Variants in RFX7 observed in about 807,000 individuals in gnomAD.
RFX7 encodes regulatory factor X7.
In RFX7, 26 loss-of-function variants were observed where a neutral mutation model predicts 111.8. The observed-to-expected ratio is 0.23, with a 90% CI of 0.17 to 0.32. RFX7 has a LOEUF of 0.32. Ranked by LOEUF, RFX7 falls within the 10% of genes least tolerant of loss-of-function variation. The pLI, the probability that RFX7 is intolerant of heterozygous loss-of-function variation, is 1.00. For missense variants in RFX7, 1,573 were observed against 1,772.9 expected (o/e 0.89, Z 2.02); for synonymous variants, 624 against 624.4 (o/e 1.00, Z 0.01).
At chr15:56,168,769 CT>C (rs1199663801) in intron 3 of RFX7, among the ~76,000 whole-genome samples, 1 of 152,178 alleles carries the variant, frequency 6.6e-6, no homozygotes, top group East Asian at 1.9e-4. Flanking sequence ...AAAAAGATGG[CT>C]TCCCTAGAAG....
chr15:56,240,297 G>C (rs1337290976), intron 2 of RFX7, among the ~76,000 whole-genome samples: 1 of 152,006 alleles, frequency 6.6e-6, no homozygotes. Context: ...ATGCAAGCTT[G>C]TTAACCTAGA....
chr15:56,121,822 C>T (rs2042082884), intron 5 of RFX7, among the ~76,000 whole-genome samples: 1 of 152,110 alleles, frequency 6.6e-6, no homozygotes, highest in Non-Finnish European at 1.5e-5. Context: ...CTGATGCATT[C>T]TTCAGTGTAT....
Position 56,196,483 on chromosome 15 carries a change from TTATC to T in RFX7, c.162-17184_162-17181del, listed in dbSNP as rs1249156902. On this transcript the variant is annotated intron_variant, in intron 2 of 9. Transcript: ENST00000559447. Reference sequence around the variant, plus strand: ...AATTTACTTAATAGGCATTAGAAGTTTATCTATTTTGATACATTCTAGTTTACCC... The same window carrying T: ...AATTTACTTAATAGGCATTAGAAGTTTATTTTGATACATTCTAGTTTACCC... Among the ~76,000 whole-genome samples, 5 of 152,088 alleles carry T rather than the reference TTATC, an allele frequency of 3.3e-5. 1 individual carries two copies. The highest frequency in any genetic ancestry group is 1.2e-4 in the African/African-American group (5 of 41,364).
At chr15:56,148,620 A>G (rs917554482) in intron 3 of RFX7, among the ~76,000 whole-genome samples, 9 of 152,284 alleles carry the variant, frequency 5.9e-5, no homozygotes, top group Middle Eastern at 3.4e-3. Flanking sequence ...ACATGAAGCT[A>G]ATTCTTTCTA....
chr15:56,108,965 C>G (rs2140543586), intron 5 of RFX7, among the ~76,000 whole-genome samples: 1 of 152,284 alleles, frequency 6.6e-6, no homozygotes, highest in South Asian at 2.1e-4. Context: ...GAATAAAATA[C>G]CTAGCAATAC....
At chr15:56,210,588 A>G (rs184873325) in intron 2 of RFX7, among the ~76,000 whole-genome samples, 2 of 152,266 alleles carry the variant, frequency 1.3e-5, no homozygotes, top group African/African-American at 4.8e-5. Context: ...AATTTTTTTA[A>G]AAATAGAAAT....
At chr15:56,108,479 G>A (rs1406682025) in intron 5 of RFX7, among the ~76,000 whole-genome samples, 2 of 152,020 alleles carry the variant, frequency 1.3e-5, no homozygotes, top group Admixed American at 6.6e-5. Context: ...ATGCAGAAAA[G>A]GCCTTCGAAA....
chr15:56,087,681 A>C lies in RFX7; in HGVS notation c.*5664T>G. Reference sequence around the variant, plus strand: ...AAAGAAGAAGGGGAGAATGCATACTACTGGTAAGTATCCGCCTCTGCTATA... The same window carrying C: ...AAAGAAGAAGGGGAGAATGCATACTCCTGGTAAGTATCCGCCTCTGCTATA... On this transcript the variant is annotated 3_prime_UTR_variant, in exon 10 of 10. Transcript: ENST00000559447. 1 of 403,094 alleles carries C rather than the reference A, an allele frequency of 2.5e-6. No individual in the cohort carries two copies. Among genetic ancestry groups the C allele is most frequent in the Non-Finnish European group, 5.0e-6 (1 of 200,792 alleles). The allele number at this position is 403,094 out of a possible 1,614,324, so 25.0% of individuals were successfully genotyped here.
chr15:56,134,168 C>G (rs570933405), intron 5 of RFX7, among the ~76,000 whole-genome samples: 3 of 152,134 alleles, frequency 2.0e-5, no homozygotes, highest in Non-Finnish European at 2.9e-5. Flanking sequence ...AGTCTTAGAT[C>G]TGCCCCTCAC....
At chr15:56,167,132 T>G (rs1398133153) in intron 3 of RFX7, among the ~76,000 whole-genome samples, 2 of 151,910 alleles carry the variant, frequency 1.3e-5, no homozygotes, top group South Asian at 2.1e-4. Flanking sequence ...TAATGAAACC[T>G]CATCCATACA....
intron 2 of RFX7, among the ~76,000 whole-genome samples, chr15:56,208,180 T>C (rs995271446): frequency 3.3e-5 from 5 of 152,198 alleles, no homozygotes; most frequent in Admixed American, 1.3e-4. Flanking sequence ...TTGTGAAATA[T>C]GCCAAAGCAT....
intron 3 of RFX7, among the ~76,000 whole-genome samples, chr15:56,167,862 A>G (rs547747329): frequency 6.6e-6 from 1 of 152,336 alleles, no homozygotes; most frequent in African/African-American, 2.4e-5. Context: ...GTAAGTTTTT[A>G]AAATGGCATT....
intron 5 of RFX7, among the ~76,000 whole-genome samples, chr15:56,122,878 C>G (rs2042096280): frequency 1.3e-5 from 2 of 152,152 alleles, no homozygotes; most frequent in Admixed American, 6.5e-5. Flanking sequence ...GCTCTCCAGT[C>G]AGCCTGTGGT....
At chr15:56,232,994 A>C (rs2043583472) in intron 2 of RFX7, among the ~76,000 whole-genome samples, 2 of 152,126 alleles carry the variant, frequency 1.3e-5, no homozygotes, top group Admixed American at 1.3e-4. Context: ...GAGCTCTCCA[A>C]ACTGTTCCAG....
rs745538414 is a variant in RFX7, at chr15:56,096,466, C to G, written c.1262G>C (p.Gly421Ala). ...TPQNVPASPG[G>A]DRSARHRYPQ... ...GTAACGGTGCCGGGCAGAACGATCCCCACCAGGACTGGCTGGAACGTTCTG... is the reference window on the plus strand; with the variant it reads ...GTAACGGTGCCGGGCAGAACGATCCGCACCAGGACTGGCTGGAACGTTCTG... The change falls in exon 10 of 10, where the codon GGG (glycine) becomes GCG (alanine). Residue 421 changes from glycine (G) to alanine (A), a missense_variant. Transcript: ENST00000559447. 3.7e-6 allele frequency: 6 copies of G among 1,611,866 alleles called. No homozygotes were observed. Among genetic ancestry groups the G allele is most frequent in the Non-Finnish European group, 4.2e-6 (5 of 1,178,918 alleles).
chr15:56,102,612 C>G (rs1318025479), intron 6 of RFX7, among the ~76,000 whole-genome samples: 5 of 152,158 alleles, frequency 3.3e-5, no homozygotes, highest in Non-Finnish European at 7.3e-5. Context: ...AAACTTCAGC[C>G]CAGGGCTCTG....
chr15:56,095,649 A>C lies in RFX7; in HGVS notation c.2079T>G (p.Val693=), dbSNP rs766940275. The change falls in exon 10 of 10, where the codon GTT becomes GTG. Residue 693 remains valine, a synonymous_variant. Transcript: ENST00000559447. Reference sequence around the variant, plus strand: ...AATGTGGAACCTTTTGGTCCTTCTTAACACTGCCTTGTTTCTGCCCTTCTA... The same window carrying C: ...AATGTGGAACCTTTTGGTCCTTCTTCACACTGCCTTGTTTCTGCCCTTCTA... ...ATIEGQKQGS[V]KKDQKVPHSG... The C allele has an allele frequency of 1.2e-6, 2 of 1,613,968 alleles. No individual in the cohort carries two copies. The highest frequency in any genetic ancestry group is 1.7e-5 in the Admixed American group (1 of 60,002).
At chr15:56,167,599 T>C (rs72738626) in intron 3 of RFX7, among the ~76,000 whole-genome samples, 3,000 of 152,360 alleles carry the variant, frequency 0.02, 69 homozygotes, top group Admixed American at 0.063. Flanking sequence ...GTTTAAGATA[T>C]GCTGCTTATT....
intron 3 of RFX7, among the ~76,000 whole-genome samples, chr15:56,153,019 G>A (rs566907955): frequency 5.1e-4 from 77 of 152,168 alleles, no homozygotes; most frequent in African/African-American, 1.6e-3. Flanking sequence ...CAAAGAAGTC[G>A]AATCCCTGAA....
Sources: allele counts gnomAD v4.1 joint callset (sites outside exome capture counted in the v4.1 genomes callset), GRCh38; gene constraint gnomAD v4.1.1; transcripts MANE v1.5; gene names NCBI Gene and HGNC (gene_info 2026-07-23, HGNC 2026-07-21).